Variants in TENM2 observed in about 807,000 individuals in gnomAD.
TENM2 encodes the protein teneurin transmembrane protein 2.
A neutral mutation model predicts 245.2 loss-of-function variants in TENM2; 52 were observed. That is an observed-to-expected ratio of 0.21 (90% confidence interval 0.17 to 0.27). TENM2 has a LOEUF of 0.27. Ranked by LOEUF, TENM2 falls within the 10% of genes least tolerant of loss-of-function variation. The pLI, the probability that TENM2 is intolerant of heterozygous loss-of-function variation, is 1.00. For synonymous variants in TENM2, 1,363 were observed against 1,438.9 expected (o/e 0.95, Z 1.19); for missense variants, 3,046 against 3,666.8 (o/e 0.83, Z 4.37).
At chr5:167,886,659 G>A (rs1774313135) in intron 3 of TENM2, among the ~76,000 whole-genome samples, 2 of 152,338 alleles carry the variant, frequency 1.3e-5, no homozygotes, top group East Asian at 3.9e-4. Flanking sequence ...GGTGATAGAA[G>A]AAGATTGCTA....
At chr5:167,385,952 C>T (rs1449028180) in intron 2 of TENM2, among the ~76,000 whole-genome samples, 1 of 150,292 alleles carries the variant, frequency 6.7e-6, no homozygotes, top group Admixed American at 6.7e-5. Flanking sequence ...GTTGGTTCCA[C>T]GTTTTTGCAA....
At chr5:167,775,090 C>T (rs1763674236) in intron 2 of TENM2, among the ~76,000 whole-genome samples, 1 of 152,148 alleles carries the variant, frequency 6.6e-6, no homozygotes, top group Non-Finnish European at 1.5e-5. Context: ...CTGACTCAGC[C>T]TCTCAAGTTG....
At chr5:168,077,859 G>A (rs1030662666) in intron 7 of TENM2, among the ~76,000 whole-genome samples, 1 of 152,114 alleles carries the variant, frequency 6.6e-6, no homozygotes, top group Non-Finnish European at 1.5e-5. Context: ...GCAAGTCTTT[G>A]CTATTGTGAA....
In TENM2 at chr5:167,293,701, TTGTTAGTTC is replaced by T. The variant is rs1321933520; in HGVS notation, c.226+8639_226+8647del. ...AACCCCTTAAGTGGAAGTACATAGA[TTGTTAGTTC>T]AGGTTCTTCTGGAATGTTGGACATA... is the stretch of plus-strand genomic sequence containing the variant. On this transcript the variant is annotated intron_variant, in intron 1 of 28. Coordinates refer to ENST00000518659, the Ensembl canonical transcript of TENM2. 5.3e-5 allele frequency among the ~76,000 whole-genome samples: 8 copies of T among 152,232 alleles called. No homozygotes were observed. The East Asian group carries it at 1.5e-3, about 29-fold the overall frequency.
chr5:167,952,639 C>T (rs778829680), exon 4 of TENM2: 6 of 1,613,294 alleles, frequency 3.7e-6, no homozygotes, highest in South Asian at 1.1e-5. Context: ...CTCCCACCCC[C>T]TCACAACCAC....
At chr5:168,182,711 G>A (rs1345871591) in intron 13 of TENM2, among the ~76,000 whole-genome samples, 1 of 151,964 alleles carries the variant, frequency 6.6e-6, no homozygotes, top group Non-Finnish European at 1.5e-5. Flanking sequence ...TTTCTAAGTT[G>A]CTCCCCAAGT....
At chr5:168,127,884 C>T (rs1795968018) in intron 12 of TENM2, among the ~76,000 whole-genome samples, 1 of 152,170 alleles carries the variant, frequency 6.6e-6, no homozygotes, top group African/African-American at 2.4e-5. Context: ...TACAGTTTGG[C>T]CCCTTGAAGT....
At chr5:168,072,792 A>C (rs1581221115) in intron 7 of TENM2, among the ~76,000 whole-genome samples, 1 of 152,346 alleles carries the variant, frequency 6.6e-6, no homozygotes, top group African/African-American at 2.4e-5. Flanking sequence ...ATGGAGATGA[A>C]TCAATCAATC....
At chr5:167,204,437 C>G in the TENM2 span, among the ~76,000 whole-genome samples, 1 of 152,118 alleles carries the variant, frequency 6.6e-6, no homozygotes, top group African/African-American at 2.4e-5. Flanking sequence ...GTTAGGCTCT[C>G]CAGATAAAAA....
the TENM2 span, among the ~76,000 whole-genome samples, chr5:167,086,303 A>C: frequency 6.6e-6 from 1 of 152,048 alleles, no homozygotes; most frequent in African/African-American, 2.4e-5. Flanking sequence ...CTGGTTTCTG[A>C]CTTTCAAAAT....
intron 2 of TENM2, among the ~76,000 whole-genome samples, chr5:167,581,184 G>C (rs1490844833): frequency 6.6e-6 from 1 of 152,158 alleles, no homozygotes; most frequent in Non-Finnish European, 1.5e-5. Flanking sequence ...GTAGCAGTTT[G>C]AGGTGCTTAA....
In TENM2 at chr5:168,203,902, C is replaced by T. The variant is rs958242044; in HGVS notation, c.3574+70C>T. 11 of 1,403,878 alleles carry T rather than the reference C, an allele frequency of 7.8e-6. No individual in the cohort carries two copies. In the African/African-American group the frequency reaches 9.9e-5, roughly 13 times the overall value. The allele number at this position is 1,403,878 out of a possible 1,614,324, so 87.0% of individuals were successfully genotyped here. On this transcript the variant is annotated intron_variant, in intron 18 of 28. Transcript: ENST00000518659. ...TCTGGAACCTTGTCTCTAGCCTCAG[C>T]ATTTAAGTGATCACACCTCCCCTTC... is the stretch of plus-strand genomic sequence containing the variant.
chr5:167,099,943 T>A, the TENM2 span, among the ~76,000 whole-genome samples: 1 of 152,190 alleles, frequency 6.6e-6, no homozygotes, highest in Non-Finnish European at 1.5e-5. Flanking sequence ...ACTGCAGTAC[T>A]TTTCATGGGC....
chr5:168,088,699 A>G (rs868785752), intron 7 of TENM2, among the ~76,000 whole-genome samples: 3 of 152,228 alleles, frequency 2.0e-5, no homozygotes, highest in African/African-American at 7.2e-5. Context: ...AGAAGAAGGT[A>G]AAAGTAGATT....
At chr5:167,112,840 TTAGAG>T in the TENM2 span, among the ~76,000 whole-genome samples, 4 of 152,142 alleles carry the variant, frequency 2.6e-5, 1 homozygote, top group Admixed American at 2.6e-4. Context: ...AATGGAGCAA[TTAGAG>T]TAGAGGTGTG....
intron 2 of TENM2, among the ~76,000 whole-genome samples, chr5:167,652,420 TCTC>T (rs1395614147): frequency 1.3e-5 from 2 of 152,198 alleles, no homozygotes; most frequent in Non-Finnish European, 2.9e-5. Context: ...ATAACTTCAG[TCTC>T]CTCCTCCTCT....
intron 3 of TENM2, among the ~76,000 whole-genome samples, chr5:167,895,644 C>G (rs1478268508): frequency 6.6e-6 from 1 of 152,182 alleles, no homozygotes; most frequent in African/African-American, 2.4e-5. Flanking sequence ...GGACCCTATG[C>G]CAGATTTATT....
chr5:166,998,983 C>CTGCTATTATATTATA, the TENM2 span, among the ~76,000 whole-genome samples: 22 of 151,124 alleles, frequency 1.5e-4, no homozygotes, highest in South Asian at 4.2e-4. Context: ...AGAATTCATA[C>CTGCTATTATATTATA]TGCTATTATA....
the TENM2 span, among the ~76,000 whole-genome samples, chr5:167,248,812 A>G: frequency 3.3e-5 from 5 of 151,438 alleles, no homozygotes; most frequent in Admixed American, 6.6e-5. Context: ...GTGTGTGTAT[A>G]TATATATATA....
Sources: allele counts gnomAD v4.1 joint callset (sites outside exome capture counted in the v4.1 genomes callset), GRCh38; gene constraint gnomAD v4.1.1; transcripts MANE v1.5; gene names NCBI Gene and HGNC (gene_info 2026-07-23, HGNC 2026-07-21).